MMS22L: variants seen among roughly 807,000 people sequenced by gnomAD.
The protein encoded by MMS22L is MMS22 like, DNA repair protein, also known as protein MMS22-like.
MMS22L carries 74 observed loss-of-function variants against 159.1 expected under a neutral mutation model. The observed-to-expected ratio is 0.47, with a 90% confidence interval of 0.39 to 0.56. The LOEUF (loss-of-function observed/expected upper bound fraction) is 0.56. Among genes scored for constraint, MMS22L ranks in the 20% least tolerant of loss-of-function variants. The probability of loss-of-function intolerance (pLI) is 0.00; values close to 1 mark genes in which losing one functional copy is unlikely to be tolerated. For synonymous variants in MMS22L, 517 were observed against 506.9 expected, an observed-to-expected ratio of 1.02 and a Z score of -0.27; for missense variants, 1,351 against 1,422.1, an observed-to-expected ratio of 0.95 and a Z score of 0.80.
intron 14 of MMS22L, among the ~76,000 whole-genome samples, chr6:97,208,691 T>G (rs147373591): frequency 0.011 from 1,714 of 152,142 alleles, 22 homozygotes; most frequent in South Asian, 0.066. Flanking sequence ...AAGGATCTTA[T>G]GATTCAGGGA....
At position 97,149,834 on chromosome 6, in the gene MMS22L, A is replaced by G; in HGVS notation, c.3650+19T>C. ...TATAATCACTGCCCCCCCCAATGTA[A>G]TTAAATTATCAAACATACCTTTGTG... is the stretch of plus-strand genomic sequence containing the variant. On this transcript the variant is annotated intron_variant, in intron 24 of 24. Transcript: ENST00000683635. 1 of 1,565,338 alleles carries G rather than the reference A, an allele frequency of 6.4e-7. No homozygotes were observed. The highest frequency in any genetic ancestry group is 8.7e-7 in the Non-Finnish European group (1 of 1,155,302).
At chr6:97,181,192 G>T (rs1303787526) in intron 16 of MMS22L, among the ~76,000 whole-genome samples, 1 of 152,080 alleles carries the variant, frequency 6.6e-6, no homozygotes, top group African/African-American at 2.4e-5. Flanking sequence ...CAGAGAAGTG[G>T]TCATGAATAT....
chr6:97,211,744 A>G (rs1487850343), intron 14 of MMS22L, among the ~76,000 whole-genome samples: 2 of 152,186 alleles, frequency 1.3e-5, no homozygotes, highest in African/African-American at 4.8e-5. Context: ...GAAATGCGGC[A>G]AAGTGTATCA....
intron 11 of MMS22L, among the ~76,000 whole-genome samples, chr6:97,238,591 G>T (rs62413939): frequency 8.7e-5 from 13 of 149,442 alleles, no homozygotes; most frequent in South Asian, 2.1e-4. Flanking sequence ...GTGTGTGTGT[G>T]TGTGTGTGTG....
chr6:97,270,457 TAA>T (rs1365676720), intron 6 of MMS22L: 2 of 302,944 alleles, frequency 6.6e-6, no homozygotes, highest in Non-Finnish European at 1.3e-5. Context: ...AAACAGAAGT[TAA>T]AAGAGGTGAA....
chr6:97,279,448 C>T (rs1340288356), intron 3 of MMS22L, among the ~76,000 whole-genome samples: 1 of 151,490 alleles, frequency 6.6e-6, no homozygotes, highest in Non-Finnish European at 1.5e-5. Context: ...CGCACCACTG[C>T]ACTCCAGCCT....
In MMS22L at chr6:97,270,883, T is replaced by G. The variant is rs116586508; in HGVS notation, c.607-891A>C. 2.4e-3 allele frequency: 367 copies of G among 152,108 alleles called. 3 individuals are homozygous for G. Among genetic ancestry groups the G allele is most frequent in the African/African-American group, 8.5e-3 (352 of 41,522 alleles). The allele number at this position is 152,108 out of a possible 1,614,324, so 9.4% of individuals were successfully genotyped here. A position where few individuals can be genotyped will look rare whatever the true frequency, so the allele number is the denominator to read the frequency against. On this transcript the variant is annotated intron_variant, in intron 6 of 24. Coordinates refer to ENST00000683635, the MANE Select transcript of MMS22L (RefSeq NM_001350599.2). The stretch of plus-strand genomic sequence containing the variant: ...TCTCACCTCACTGCATGTTTAAAAA[T>G]AACATGAATTAAAGAAATAAAAGCA...
intron 14 of MMS22L, among the ~76,000 whole-genome samples, chr6:97,222,938 G>C (rs1809807312): frequency 6.6e-6 from 1 of 152,100 alleles, no homozygotes; most frequent in Admixed American, 6.5e-5. Flanking sequence ...AACAGCAAGT[G>C]AGAACTTAAA....
chr6:97,250,033 A>G (rs1230197655), intron 10 of MMS22L, among the ~76,000 whole-genome samples: 2 of 152,198 alleles, frequency 1.3e-5, no homozygotes, highest in Non-Finnish European at 2.9e-5. Flanking sequence ...TAATTCAAAG[A>G]AAAGAATGAC....
chr6:97,180,205 C>T (rs1238536979), intron 16 of MMS22L, among the ~76,000 whole-genome samples: 1 of 151,984 alleles, frequency 6.6e-6, no homozygotes, highest in African/African-American at 2.4e-5. Context: ...GGGTTCACGC[C>T]ATTCTCCTGC....
intron 22 of MMS22L, among the ~76,000 whole-genome samples, chr6:97,158,176 C>T (rs879341161): frequency 6.6e-6 from 1 of 151,994 alleles, no homozygotes; most frequent in African/African-American, 2.4e-5. Context: ...ACCCCTTTAT[C>T]ATTTTTTATT....
At chr6:97,280,627 T>C (rs1816679878) in intron 3 of MMS22L, among the ~76,000 whole-genome samples, 1 of 152,182 alleles carries the variant, frequency 6.6e-6, no homozygotes, top group Admixed American at 6.5e-5. Context: ...CTCATCGTTT[T>C]TAAAAAGCAC....
chr6:97,237,028 A>C (rs1245024360), intron 11 of MMS22L, among the ~76,000 whole-genome samples: 1 of 152,192 alleles, frequency 6.6e-6, no homozygotes, highest in African/African-American at 2.4e-5. Flanking sequence ...ATATTCATTA[A>C]AAATAATTGG....
At chr6:97,192,863 T>C (rs1055826295) in intron 14 of MMS22L, among the ~76,000 whole-genome samples, 4 of 152,216 alleles carry the variant, frequency 2.6e-5, no homozygotes, top group African/African-American at 2.4e-5. Flanking sequence ...CCTCATTTTA[T>C]AGACAAGGAA....
Position 97,146,816 on chromosome 6 carries a change from T to C in MMS22L, c.3722A>G (p.Asp1241Gly), listed in dbSNP as rs751028787. ...GQDEMQRLEN[D>G]NT is the part of the protein sequence containing the mutation. The stretch of plus-strand genomic sequence containing the variant: ...GAATCACAAAATATATTAAGTATTA[T>C]CATTTTCCAGTCTCTGCATCTCATC... Residue 1241 changes from aspartate (D) to glycine (G), a missense_variant, in exon 25 of 25, where the codon GAT becomes GGT. Physicochemically the swap from Asp to Gly is moderately conservative, Grantham distance 94 (BLOSUM62 -1). Transcript: ENST00000683635. 10 of 1,575,268 alleles carry C rather than the reference T, an allele frequency of 6.3e-6. No homozygotes were observed. The South Asian group carries it at 8.3e-5, about 13-fold the overall frequency.
chr6:97,248,352 C>G (rs1241663465), intron 10 of MMS22L, among the ~76,000 whole-genome samples: 1 of 152,194 alleles, frequency 6.6e-6, no homozygotes, highest in African/African-American at 2.4e-5. Context: ...AACCACCCAG[C>G]TAAGCTTCTC....
Position 97,146,748 on chromosome 6 carries a change from T to A in MMS22L, c.*58A>T. ...AATTAATTAAAAGTAGGAATTAGAG[T>A]GGAACAATGTGGCTTTAGATACTGA... is the stretch of plus-strand genomic sequence containing the variant. On this transcript the variant is annotated 3_prime_UTR_variant, in exon 25 of 25. Transcript: ENST00000683635. The A allele has an allele frequency of 9.3e-7, 1 of 1,076,296 alleles. No homozygotes were observed. Among genetic ancestry groups the A allele is most frequent in the Non-Finnish European group, 1.4e-6 (1 of 728,468 alleles). 66.7% of individuals were successfully genotyped at this position (1,076,296 alleles called of 1,614,324 possible).
chr6:97,272,718 G>A lies in MMS22L; in HGVS notation c.592C>T (p.Gln198Ter), dbSNP rs1479800382. ...PSVNIGAFVNQNQIKLFPPSW... is the reference protein window; with the variant it reads ...PSVNIGAFVN ...ACAAGTCAAACCTTAATCTGGTTTT[G>A]ATTTACAAATGCTCCTATATTAACA... is the stretch of plus-strand genomic sequence containing the variant. The change falls in exon 6 of 25, where the codon CAA becomes TAA. Residue 198 changes from glutamine to a stop codon, truncating the protein, a stop_gained. Coordinates refer to ENST00000683635, the MANE Select transcript of MMS22L (RefSeq NM_001350599.2). LOFTEE classifies it high-confidence loss of function. The A allele has an allele frequency of 6.2e-7, 1 of 1,605,690 alleles. No individual in the cohort carries two copies. Among genetic ancestry groups the A allele is most frequent in the Non-Finnish European group, 8.5e-7 (1 of 1,177,822 alleles).
Position 97,278,836 on chromosome 6 carries a change from A to T in MMS22L, c.340+13T>A. On this transcript the variant is annotated intron_variant, in intron 4 of 24. Coordinates refer to ENST00000683635, the MANE Select transcript of MMS22L (RefSeq NM_001350599.2). The stretch of plus-strand genomic sequence containing the variant: ...CACCATTCCCTTTTGCATTAAACAC[A>T]CCTTAAACTTACCAAAATCACAACT... 5 of 1,611,168 alleles carry T rather than the reference A, an allele frequency of 3.1e-6. No individual in the cohort carries two copies. The highest frequency in any genetic ancestry group is 4.2e-6 in the Non-Finnish European group (5 of 1,178,414).
Sources: gnomAD v4.1 joint callset for allele counts (sites outside exome capture counted in the v4.1 genomes callset) on GRCh38, gnomAD v4.1.1 for gene constraint, MANE v1.5 for transcripts, NCBI Gene and HGNC (gene_info 2026-07-23, HGNC 2026-07-21) for gene names.